Variants in ZNF782 observed in about 807,000 individuals in gnomAD.
The protein encoded by ZNF782 is zinc finger protein 782.
In ZNF782, 12 loss-of-function variants were observed where a neutral mutation model predicts 13.0. That is an observed-to-expected ratio of 0.92 (90% CI 0.59 to 1.50). The LOEUF (loss-of-function observed/expected upper bound fraction) is 1.50, where lower values mean the gene tolerates loss of function less well. Ranked by LOEUF, ZNF782 falls within the 40% of genes most tolerant of loss-of-function variation. ZNF782 has a pLI of 0.00. For missense variants in ZNF782, 770 were observed against 822.9 expected (o/e 0.94, Z 0.79); for synonymous variants, 284 against 283.0 (o/e 1.00, Z -0.04).
At chr9:96,893,197 C>G in the ZNF782 span, 4 of 152,136 alleles carry the variant, frequency 2.6e-5, no homozygotes, top group Non-Finnish European at 5.9e-5. Flanking sequence ...ATAGCTTAAA[C>G]AATCTATTCA....
chr9:96,892,496 AC>A, the ZNF782 span: 1 of 152,182 alleles, frequency 6.6e-6, no homozygotes, highest in Admixed American at 6.5e-5. Flanking sequence ...CTGGGCAGTG[AC>A]CCTTCCTCAC....
At chr9:96,863,287 A>G (rs1851724068) in intron 1 of ZNF782, among the ~76,000 whole-genome samples, 1 of 152,124 alleles carries the variant, frequency 6.6e-6, no homozygotes, top group African/African-American at 2.4e-5. Context: ...TATCAGGGAA[A>G]TGCAAACGAA....
intron 4 of ZNF782, among the ~76,000 whole-genome samples, chr9:96,836,495 C>G (rs889903865): frequency 6.6e-6 from 1 of 152,202 alleles, no homozygotes; most frequent in Non-Finnish European, 1.5e-5. Flanking sequence ...GCCACCATGC[C>G]TGCCCAATAA....
chr9:96,907,064 C>A, the ZNF782 span, among the ~76,000 whole-genome samples: 3 of 151,800 alleles, frequency 2.0e-5, no homozygotes, highest in Admixed American at 1.3e-4. Flanking sequence ...TATTTGTATA[C>A]CCATGTTCAT....
At chr9:96,825,486 A>G (rs1850585748) in intron 5 of ZNF782, among the ~76,000 whole-genome samples, 1 of 152,172 alleles carries the variant, frequency 6.6e-6, no homozygotes, top group Non-Finnish European at 1.5e-5. Flanking sequence ...CATTCAGGAC[A>G]TAGGCATGGG....
the ZNF782 span, chr9:96,889,827 T>C: frequency 6.6e-6 from 1 of 152,244 alleles, no homozygotes; most frequent in Admixed American, 6.5e-5. Flanking sequence ...CTGATACGTA[T>C]ATTTAATCTC....
At chr9:96,857,363 A>G (rs942030599), upstream of ZNF782, among the ~76,000 whole-genome samples, 2 of 152,176 alleles carry the variant, frequency 1.3e-5, no homozygotes, top group African/African-American at 4.8e-5. Flanking sequence ...CTGACCTATG[A>G]TTGTGATATG....
the ZNF782 span, chr9:96,887,309 G>A: frequency 1.4e-5 from 2 of 145,438 alleles, no homozygotes; most frequent in Non-Finnish European, 1.5e-5. Flanking sequence ...AAGGAAGGAA[G>A]GAAGGAAGGA....
the ZNF782 span, chr9:96,918,510 T>C: frequency 6.6e-6 from 1 of 150,376 alleles, no homozygotes; most frequent in African/African-American, 2.4e-5. Flanking sequence ...ATAATATGGA[T>C]GGGCAGAGAC....
rs1851447851 is a variant in ZNF782, at chr9:96,850,165, C to T, written c.15+1782G>A. ...AGCAATCCCACTACTGGGTATCTAC[C>T]CAAAGGAAAAGAAGTCATCATAAAT... On this transcript the variant is annotated intron_variant, in intron 3 of 5. Coordinates refer to ENST00000481138, the MANE Select transcript of ZNF782 (RefSeq NM_001001662.3). This position sits in a 1 kb window ranked among gnomAD's most constrained non-coding sequence, Gnocchi z 4.3. Among the ~76,000 whole-genome samples, 1 of 151,964 alleles carries T rather than the reference C, an allele frequency of 6.6e-6. No homozygotes were observed. Among genetic ancestry groups the T allele is most frequent in the Non-Finnish European group, 1.5e-5 (1 of 68,010 alleles).
rs1473036658 is a variant in ZNF782 at position 96,817,655 on chromosome 9, G to C, written c.*268C>G. On this transcript the variant is annotated 3_prime_UTR_variant, in exon 6 of 6. Coordinates refer to ENST00000481138, the MANE Select transcript of ZNF782 (RefSeq NM_001001662.3). ...TTTTCTGAGGAGTGAGTTCGCAAGA[G>C]TATTTTCCATATTCATTATGTTTAT... 1 of 329,174 alleles carries C rather than the reference G, an allele frequency of 3.0e-6. No individual in the cohort carries two copies. The highest frequency in any genetic ancestry group is 5.5e-6 in the Non-Finnish European group (1 of 183,028). 20.4% of individuals were successfully genotyped at this position (329,174 alleles called of 1,614,324 possible).
At chr9:96,861,424 CA>C (rs1265759846) in intron 2 of ZNF782, 1 of 152,242 alleles carries the variant, frequency 6.6e-6, no homozygotes, top group Non-Finnish European at 1.5e-5. Flanking sequence ...TTAAAATGGG[CA>C]AAATATCTGA....
chr9:96,859,271 A>C (rs1338864047), upstream of ZNF782, among the ~76,000 whole-genome samples: 1 of 152,210 alleles, frequency 6.6e-6, no homozygotes, highest in Non-Finnish European at 1.5e-5. Context: ...ATTTGGGGGC[A>C]TGTGACCTAG....
upstream of ZNF782, among the ~76,000 whole-genome samples, chr9:96,858,999 C>T (rs962407964): frequency 6.6e-6 from 1 of 151,888 alleles, no homozygotes; most frequent in African/African-American, 2.4e-5. The surrounding 1 kb of genome is among the most constrained non-coding windows in gnomAD (Gnocchi z 4.4). Flanking sequence ...CACTAGTGCC[C>T]ACCCACGGAG....
chr9:96,912,848 T>C, the ZNF782 span, among the ~76,000 whole-genome samples: 2 of 151,836 alleles, frequency 1.3e-5, no homozygotes, highest in Non-Finnish European at 2.9e-5. Flanking sequence ...TTTTTTTGTT[T>C]ATAAAGTTGC....
chr9:96,854,704 A>G (rs113988718), upstream of ZNF782, among the ~76,000 whole-genome samples: 241 of 152,370 alleles, frequency 1.6e-3, no homozygotes, highest in African/African-American at 5.5e-3. Flanking sequence ...CTCCAAGAAC[A>G]GGGAGAAGTT....
At chr9:96,913,144 G>A in the ZNF782 span, among the ~76,000 whole-genome samples, 11 of 151,606 alleles carry the variant, frequency 7.3e-5, no homozygotes, top group East Asian at 7.9e-4. Context: ...GTGAAACCCC[G>A]TCTCTACTAA....
chr9:96,839,379 T>C (rs1356760926), intron 4 of ZNF782, among the ~76,000 whole-genome samples: 1 of 151,070 alleles, frequency 6.6e-6, no homozygotes, highest in Non-Finnish European at 1.5e-5. Context: ...TGGGTTCCAA[T>C]GTCCCTAGCT....
upstream of ZNF782, among the ~76,000 whole-genome samples, chr9:96,856,224 T>A (rs1851640621): frequency 6.6e-6 from 1 of 152,176 alleles, no homozygotes; most frequent in South Asian, 2.1e-4. Context: ...GAGTAAAGAT[T>A]AAAGGTGAGC....
Sources: allele counts gnomAD v4.1 joint callset (sites outside exome capture counted in the v4.1 genomes callset), GRCh38; gene constraint gnomAD v4.1.1; non-coding constraint Gnocchi (gnomAD v3.1); transcripts MANE v1.5; gene names NCBI Gene and HGNC (gene_info 2026-07-23, HGNC 2026-07-21).